Variants in SSBP2 observed in about 807,000 individuals in gnomAD.
SSBP2 encodes single-stranded DNA-binding protein 2.
Under a neutral mutation model 61.8 loss-of-function variants are expected in SSBP2, and 17 were observed. The observed-to-expected ratio is 0.28, with a 90% CI of 0.19 to 0.41. The LOEUF (loss-of-function observed/expected upper bound fraction) is 0.41. SSBP2 is among the 10% of genes least tolerant of loss of function. The pLI, the probability that SSBP2 is intolerant of heterozygous loss-of-function variation, is 1.00. For missense variants in SSBP2, 310 were observed against 458.7 expected, an observed-to-expected ratio of 0.68 and a Z score of 2.96; for synonymous variants, 139 against 141.3, an observed-to-expected ratio of 0.98 and a Z score of 0.12.
At chr5:81,562,017 G>A (rs1044651592) in intron 4 of SSBP2, among the ~76,000 whole-genome samples, 3 of 151,772 alleles carry the variant, frequency 2.0e-5, no homozygotes, top group Non-Finnish European at 4.4e-5. Context: ...CGATTCTCCT[G>A]TCTCAGCCTC....
intron 14 of SSBP2, among the ~76,000 whole-genome samples, chr5:81,439,392 G>A (rs998831400): frequency 1.3e-4 from 20 of 152,088 alleles, no homozygotes; most frequent in African/African-American, 4.6e-4. Context: ...GTATGACCTA[G>A]TCCATTTTGC....
chr5:81,661,492 C>T (rs1408897472), intron 1 of SSBP2, among the ~76,000 whole-genome samples: 3 of 149,754 alleles, frequency 2.0e-5, no homozygotes, highest in Non-Finnish European at 4.4e-5. Flanking sequence ...TCCCTTTCAT[C>T]CACATCCTCA....
chr5:81,676,808 A>T (rs1752022607), intron 1 of SSBP2, among the ~76,000 whole-genome samples: 1 of 152,206 alleles, frequency 6.6e-6, no homozygotes. Context: ...AAAAAAATAC[A>T]AATTATCTTT....
At chr5:81,711,896 A>G (rs1012657678) in intron 1 of SSBP2, among the ~76,000 whole-genome samples, 1 of 151,956 alleles carries the variant, frequency 6.6e-6, no homozygotes, top group African/African-American at 2.4e-5. Context: ...CTGTAAAGGG[A>G]GGAAAATAAG....
chr5:81,597,322 A>T (rs997617076), intron 4 of SSBP2, among the ~76,000 whole-genome samples: 3 of 152,184 alleles, frequency 2.0e-5, no homozygotes, highest in African/African-American at 7.2e-5. Flanking sequence ...ACCATCTCAC[A>T]CCAGTTAGAA....
chr5:81,675,480 G>A (rs765550350), intron 1 of SSBP2, among the ~76,000 whole-genome samples: 4 of 152,130 alleles, frequency 2.6e-5, no homozygotes, highest in Non-Finnish European at 5.9e-5. Flanking sequence ...TTTTAGGGAT[G>A]CCAAAATAAA....
chr5:81,697,927 G>A (rs1208661130), intron 1 of SSBP2, among the ~76,000 whole-genome samples: 1 of 151,908 alleles, frequency 6.6e-6, no homozygotes, highest in Admixed American at 6.6e-5. Context: ...CTGCCTCTAT[G>A]GTAAAATAAT....
At chr5:81,710,545 G>A (rs1754702790) in intron 1 of SSBP2, 1 of 342,134 alleles carries the variant, frequency 2.9e-6, no homozygotes, top group Admixed American at 3.9e-5. Context: ...AGAAGCCAAA[G>A]TATAATATGA....
intron 4 of SSBP2, among the ~76,000 whole-genome samples, chr5:81,614,012 T>C (rs1420718690): frequency 6.6e-6 from 1 of 152,198 alleles, no homozygotes; most frequent in Non-Finnish European, 1.5e-5. Flanking sequence ...GTACAATCAA[T>C]GTCAGATGAG....
chr5:81,428,745 ACT>A, intron 15 of SSBP2, 62 bp from the exon 16 acceptor site: 1 of 1,198,550 alleles, frequency 8.3e-7, no homozygotes, highest in Non-Finnish European at 1.2e-6. Flanking sequence ...CTTGCACTGT[ACT>A]GTTTCGAATA....
At chr5:81,510,006 C>T (rs1768473878) in intron 5 of SSBP2, among the ~76,000 whole-genome samples, 1 of 152,194 alleles carries the variant, frequency 6.6e-6, no homozygotes, top group Non-Finnish European at 1.5e-5. Context: ...AACACTGCAT[C>T]TGTAATGGGT....
chr5:81,653,862 A>T (rs1430702204), intron 1 of SSBP2, among the ~76,000 whole-genome samples: 1 of 152,138 alleles, frequency 6.6e-6, no homozygotes, highest in Non-Finnish European at 1.5e-5. Flanking sequence ...GGATAGAACC[A>T]ATCTCCAATA....
At chr5:81,437,348 G>A (rs899009822) in intron 15 of SSBP2, 82 bp downstream of exon 15, 25 of 1,352,490 alleles carry the variant, frequency 1.8e-5, no homozygotes, top group Middle Eastern at 3.9e-4. Context: ...AACAAAATTC[G>A]TAAATTTACT....
Position 81,535,968 on chromosome 5 carries a change from C to T in SSBP2, c.283-22251G>A, listed in dbSNP as rs115628197. On this transcript the variant is annotated intron_variant, in intron 4 of 16. Coordinates refer to ENST00000320672, the MANE Select transcript of SSBP2 (RefSeq NM_012446.5). ...AGAGAGTGAGAAGACAAGCCACAGA[C>T]TGGGAGAAAATATTTGCAAAAGACA... 6.1e-3 allele frequency among the ~76,000 whole-genome samples: 930 copies of T among 152,078 alleles called. 13 individuals carry two copies. The highest frequency in any genetic ancestry group is 0.021 in the African/African-American group (891 of 41,510).
At chr5:81,608,112 T>A (rs891443273) in intron 4 of SSBP2, among the ~76,000 whole-genome samples, 10 of 152,126 alleles carry the variant, frequency 6.6e-5, no homozygotes, top group Admixed American at 5.9e-4. Flanking sequence ...ACTTCATTAA[T>A]TTAACCCACT....
intron 1 of SSBP2, among the ~76,000 whole-genome samples, chr5:81,699,632 T>A (rs1298841701): frequency 6.6e-6 from 1 of 152,174 alleles, no homozygotes; most frequent in Non-Finnish European, 1.5e-5. Flanking sequence ...TGCAGTGACT[T>A]CCTCAACTCC....
intron 1 of SSBP2, among the ~76,000 whole-genome samples, chr5:81,733,807 C>CTACAA (rs1756421919): frequency 6.6e-6 from 1 of 152,108 alleles, no homozygotes; most frequent in East Asian, 1.9e-4. Context: ...TAAGCCTCAG[C>CTACAA]TACAGTCCCT....
chr5:81,426,954 G>A (rs569582078), intron 16 of SSBP2, among the ~76,000 whole-genome samples: 8 of 152,128 alleles, frequency 5.3e-5, no homozygotes, highest in South Asian at 2.1e-4. Context: ...AATCTGACAC[G>A]TTTTAGTTAT....
intron 10 of SSBP2, among the ~76,000 whole-genome samples, chr5:81,456,569 T>C (rs1054651750): frequency 1.3e-5 from 2 of 151,678 alleles, no homozygotes; most frequent in Admixed American, 6.6e-5. Context: ...TCAGAACTTG[T>C]ACAAAGATCA....
Sources: allele counts gnomAD v4.1 joint callset (sites outside exome capture counted in the v4.1 genomes callset), GRCh38; gene constraint gnomAD v4.1.1; transcripts MANE v1.5; gene names NCBI Gene and HGNC (gene_info 2026-07-23, HGNC 2026-07-21).